Variants in CAMSAP2 observed in about 807,000 individuals in gnomAD.
CAMSAP2 encodes calmodulin regulated spectrin associated protein family member 2.
Under a neutral mutation model 146.1 loss-of-function variants are expected in CAMSAP2, and 26 were observed. The observed-to-expected ratio is 0.18, with a 90% CI of 0.13 to 0.25. The LOEUF (loss-of-function observed/expected upper bound fraction) is 0.25, where lower values mean the gene tolerates loss of function less well. Ranked by LOEUF, CAMSAP2 falls within the 10% of genes least tolerant of loss-of-function variation. The pLI, the probability that CAMSAP2 is intolerant of heterozygous loss-of-function variation, is 1.00. For missense variants in CAMSAP2, 1,381 were observed against 1,759.3 expected, an observed-to-expected ratio of 0.78 and a Z score of 3.85; for synonymous variants, 499 against 596.6, an observed-to-expected ratio of 0.84 and a Z score of 2.38.
intron 1 of CAMSAP2, among the ~76,000 whole-genome samples, chr1:200,748,120 G>A (rs1265431502): frequency 1.3e-5 from 2 of 151,866 alleles, no homozygotes; most frequent in East Asian, 3.9e-4. Context: ...CTCTTCAAAC[G>A]GAAGGATTGA....
At chr1:200,823,529 A>G (rs532655671) in intron 4 of CAMSAP2, among the ~76,000 whole-genome samples, 24 of 152,224 alleles carry the variant, frequency 1.6e-4, no homozygotes, top group African/African-American at 3.4e-4. Context: ...GTGTTCTTCA[A>G]TTTGGGTTTG....
At chr1:200,751,183 A>G (rs1198299514) in intron 1 of CAMSAP2, among the ~76,000 whole-genome samples, 2 of 151,824 alleles carry the variant, frequency 1.3e-5, no homozygotes, top group Non-Finnish European at 1.5e-5. Flanking sequence ...GATTATAGGC[A>G]TGAGCCGCCA....
chr1:200,751,432 A>T (rs1401607250), intron 1 of CAMSAP2, among the ~76,000 whole-genome samples: 1 of 145,598 alleles, frequency 6.9e-6, no homozygotes, highest in Non-Finnish European at 1.5e-5. Context: ...GCTACTTGGG[A>T]GGCTGAGACA....
chr1:200,772,594 G>A (rs1665149260), intron 2 of CAMSAP2, among the ~76,000 whole-genome samples: 2 of 152,076 alleles, frequency 1.3e-5, no homozygotes, highest in African/African-American at 2.4e-5. Context: ...GTGCGACAGA[G>A]GGAGACTATG....
intron 4 of CAMSAP2, among the ~76,000 whole-genome samples, chr1:200,818,448 A>G (rs1436271769): frequency 6.6e-6 from 1 of 152,156 alleles, no homozygotes; most frequent in Non-Finnish European, 1.5e-5. Flanking sequence ...ATGATTGTGC[A>G]ATTCATTTTT....
intron 8 of CAMSAP2, 81 bp from the exon 9 acceptor site, chr1:200,847,126 GTGT>G: frequency 1.1e-6 from 1 of 911,926 alleles, no homozygotes; most frequent in East Asian, 2.6e-5. Flanking sequence ...AGAGGTGGTA[GTGT>G]TGTTTCTAAC....
intron 1 of CAMSAP2, among the ~76,000 whole-genome samples, chr1:200,741,069 A>G (rs1430047139): frequency 1.3e-5 from 2 of 152,150 alleles, no homozygotes; most frequent in African/African-American, 4.8e-5. Context: ...TAAATGGTTT[A>G]GTTCAGTTTT....
intron 1 of CAMSAP2, among the ~76,000 whole-genome samples, chr1:200,746,657 C>T (rs1348562173): frequency 6.7e-6 from 1 of 149,700 alleles, no homozygotes; most frequent in African/African-American, 2.5e-5. Flanking sequence ...CTTGCCCTGT[C>T]GCCCAGGCTG....
At chr1:200,830,362 A>G (rs1000294658) in intron 4 of CAMSAP2, among the ~76,000 whole-genome samples, 1 of 152,244 alleles carries the variant, frequency 6.6e-6, no homozygotes, top group South Asian at 2.1e-4. Context: ...TACCTTGTAC[A>G]AAAGTGCTAC....
At chr1:200,817,230 A>G (rs79345288) in intron 4 of CAMSAP2, among the ~76,000 whole-genome samples, 41,534 of 86,012 alleles carry the variant, frequency 0.48, 7,232 homozygotes, top group East Asian at 0.68. Context: ...ATGTGTGTGT[A>G]TATACACACA....
chr1:200,806,765 G>GTGTATCTATC lies in CAMSAP2; in HGVS notation c.400-610_400-609insGTATCTATCT, dbSNP rs1396000266. 5.7e-3 allele frequency among the ~76,000 whole-genome samples: 795 copies of GTGTATCTATC among 140,206 alleles called. 5 individuals are homozygous for GTGTATCTATC. Among genetic ancestry groups the GTGTATCTATC allele is most frequent in the Middle Eastern group, 7.1e-3 (2 of 282 alleles). 92.0% of individuals were successfully genotyped at this position (140,206 alleles called of 152,430 possible). On this transcript the variant is annotated intron_variant, in intron 2 of 16. Transcript: ENST00000358823. ...TAATTGTGTGTGTGTGTGTGTGTGT[G>GTGTATCTATC]TATCTATCTATCTATCTATCTATCT...
chr1:200,788,443 G>A (rs1327883778), intron 2 of CAMSAP2, among the ~76,000 whole-genome samples: 4 of 152,056 alleles, frequency 2.6e-5, no homozygotes, highest in African/African-American at 9.7e-5. Context: ...GTTTAGTTTT[G>A]TAAGAAATCA....
At chr1:200,767,473 C>G (rs1048894212) in intron 2 of CAMSAP2, among the ~76,000 whole-genome samples, 3 of 120,464 alleles carry the variant, frequency 2.5e-5, no homozygotes, top group African/African-American at 9.3e-5. Context: ...TTTGTGTTGT[C>G]CCTCTTTTTT....
chr1:200,746,861 G>GC (rs1664345396), intron 1 of CAMSAP2, among the ~76,000 whole-genome samples: 1 of 151,880 alleles, frequency 6.6e-6, no homozygotes, highest in Non-Finnish European at 1.5e-5. Flanking sequence ...CTCGTGATCT[G>GC]CCCCCCTCGG....
At chr1:200,785,699 T>C (rs969530971) in intron 2 of CAMSAP2, among the ~76,000 whole-genome samples, 13 of 143,456 alleles carry the variant, frequency 9.1e-5, no homozygotes, top group Admixed American at 6.4e-4. Context: ...GATATTTTCT[T>C]TTTTTTGAGA....
intron 1 of CAMSAP2, among the ~76,000 whole-genome samples, chr1:200,746,957 T>G (rs944170994): frequency 6.6e-6 from 1 of 151,902 alleles, no homozygotes; most frequent in African/African-American, 2.4e-5. Context: ...TCACCCAGGC[T>G]GAGTGCAGTC....
rs768726638 is a variant in CAMSAP2 at position 200,832,662 on chromosome 1, CAAATT to C, written c.788-41_788-37del. The C allele has an allele frequency of 6.8e-7, 1 of 1,476,474 alleles. No individual in the cohort carries two copies. Among genetic ancestry groups the C allele is most frequent in the Non-Finnish European group, 9.1e-7 (1 of 1,097,552 alleles). The allele number at this position is 1,476,474 out of a possible 1,614,324, so 91.5% of individuals were successfully genotyped here. A position where few individuals can be genotyped will look rare whatever the true frequency, so the allele number is the denominator to read the frequency against. ...AAGATGGATATGAAATATTTATTAT[CAAATT>C]AATCCAAAGTCACCACCTTGCTCTT... is the stretch of plus-strand genomic sequence containing the variant. On this transcript the variant is annotated intron_variant, in intron 5 of 16. Coordinates refer to ENST00000358823, the MANE Select transcript of CAMSAP2 (RefSeq NM_203459.4). This position sits in a 1 kb window ranked among gnomAD's most constrained non-coding sequence, Gnocchi z 4.2.
rs1364920660 is a variant in CAMSAP2, at chr1:200,848,475, T to G, written c.1706T>G (p.Phe569Cys). ...CCAGACCAAATTGCTAATGGCTTCTTTCTTCATAGTCAAGAAATGAGTATC... is the reference window on the plus strand; with the variant it reads ...CCAGACCAAATTGCTAATGGCTTCTGTCTTCATAGTCAAGAAATGAGTATC... The part of the protein sequence containing the change: ...PQPDQIANGF[F>C]LHSQEMSILN... Residue 569 changes from phenylalanine to cysteine, a missense_variant, in exon 11 of 17, where the codon TTT (phenylalanine) becomes TGT (cysteine). Around this residue, in one of 4 missense-constraint regions of CAMSAP2, gnomAD observed 447 missense variants for 462.2 expected, o/e 0.97. Coordinates refer to ENST00000358823, the MANE Select transcript of CAMSAP2 (RefSeq NM_203459.4). 4 of 1,613,436 alleles carry G rather than the reference T, an allele frequency of 2.5e-6. No individual in the cohort carries two copies. Among genetic ancestry groups the G allele is most frequent in the Non-Finnish European group, 3.4e-6 (4 of 1,179,708 alleles).
intron 2 of CAMSAP2, among the ~76,000 whole-genome samples, chr1:200,803,270 C>T (rs1042912734): frequency 6.6e-5 from 10 of 152,178 alleles, no homozygotes; most frequent in Non-Finnish European, 1.3e-4. Context: ...GTTTTCTTAT[C>T]TGTAAAATAG....
Sources: gnomAD v4.1 joint callset for allele counts (sites outside exome capture counted in the v4.1 genomes callset) on GRCh38, gnomAD v4.1.1 for gene constraint, gnomAD v4.1.1 regional missense constraint, Gnocchi (gnomAD v3.1) non-coding constraint, MANE v1.5 for transcripts, NCBI Gene and HGNC (gene_info 2026-07-23, HGNC 2026-07-21) for gene names.